The following MYO15A variants were observed in gnomAD, a reference collection of about 807,000 sequenced individuals.
MYO15A encodes unconventional myosin-XV.
In MYO15A, 308 loss-of-function variants were observed where a neutral mutation model predicts 394.6. The observed-to-expected ratio is 0.78, with a 90% CI of 0.71 to 0.86. The LOEUF (loss-of-function observed/expected upper bound fraction) is 0.86. Ranked by LOEUF, MYO15A falls within the 40% of genes least tolerant of loss-of-function variation. The pLI is 0.00. For synonymous variants in MYO15A, 1,957 were observed against 2,003.8 expected, an observed-to-expected ratio of 0.98 and a Z score of 0.62; for missense variants, 4,606 against 4,799.1, an observed-to-expected ratio of 0.96 and a Z score of 1.19.
rs1357081380 is a variant in MYO15A, at chr17:18,119,137, G to A, written c.337G>A (p.Gly113Ser). ...KPSFMVIRFP[G>S]RRGYGRLRPR... Reference sequence around the variant, plus strand: ...GTCCTTCATGGTGATCCGCTTCCCAGGCCGCCGTGGCTACGGCCGCCTGCG... The same window carrying A: ...GTCCTTCATGGTGATCCGCTTCCCAAGCCGCCGTGGCTACGGCCGCCTGCG... Residue 113 changes from glycine (G) to serine (S), a missense_variant, in exon 2 of 66, where the codon GGC (glycine) becomes AGC (serine). Around this residue, in one of 2 missense-constraint regions of MYO15A, gnomAD observed 1,830 missense variants for 1,689.7 expected, o/e 1.08. Coordinates refer to ENST00000647165, the MANE Select transcript of MYO15A (RefSeq NM_016239.4). 6.2e-7 allele frequency: 1 copy of A among 1,611,844 alleles called. No homozygotes were observed. The highest frequency in any genetic ancestry group is 8.5e-7 in the Non-Finnish European group (1 of 1,179,624).
chr17:18,156,067 G>T, intron 47 of MYO15A, 128 bp from the exon 48 acceptor site: 2 of 1,428,610 alleles, frequency 1.4e-6, no homozygotes. Flanking sequence ...GGTTCTGTGG[G>T]AGCTGGCACA....
intron 22 of MYO15A, among the ~76,000 whole-genome samples, 179 bp from the exon 23 acceptor site, chr17:18,141,473 CA>C (rs2046379103): frequency 6.6e-6 from 1 of 152,224 alleles, no homozygotes; most frequent in African/African-American, 2.4e-5. Flanking sequence ...AATTGTCTGA[CA>C]CCCAGAAGTA....
intron 12 of MYO15A, among the ~76,000 whole-genome samples, chr17:18,134,642 G>A (rs2046231218): frequency 6.6e-6 from 1 of 152,092 alleles, no homozygotes; most frequent in African/African-American, 2.4e-5. Flanking sequence ...CAACATTTTG[G>A]GAGGCCAAGG....
rs987215346 is a variant in MYO15A, at chr17:18,150,433, T to G, written c.7217T>G (p.Leu2406Arg). 7 of 1,613,772 alleles carry G rather than the reference T, an allele frequency of 4.3e-6. No individual in the cohort carries two copies. Among genetic ancestry groups the G allele is most frequent in the Non-Finnish European group, 5.9e-6 (7 of 1,179,910 alleles). ...DPVLSYGDAD[L>R]EKPTAIAYRM... ...TGAGCCACCCACTGCCCCCAGGACC[T>G]GGAGAAGCCAACAGCCATTGCCTAC... The change falls in exon 36 of 66, where the codon CTG becomes CGG. Residue 2406 changes from leucine to arginine, a missense_variant. Leu to Arg is a moderately radical substitution (Grantham distance 102). Around this residue, in one of 2 missense-constraint regions of MYO15A, gnomAD observed 2,776 missense variants for 3,109.3 expected, o/e 0.89. Transcript: ENST00000647165. The surrounding 1 kb of genome is among the most constrained non-coding windows in gnomAD (Gnocchi z 4.4).
chr17:18,130,394 C>A (rs2046132878), intron 7 of MYO15A, among the ~76,000 whole-genome samples: 1 of 150,978 alleles, frequency 6.6e-6, no homozygotes, highest in East Asian at 1.9e-4. Context: ...TGGTGGCCTT[C>A]CTGTGAGAGG....
At chr17:18,157,927 CGGGG>C in intron 51 of MYO15A, 27 bp downstream of exon 51, 1 of 99,328 alleles carries the variant, frequency 1.0e-5, no homozygotes. Context: ...TGGGGTGGGG[CGGGG>C]TAGACCAGGG....
rs1361970934 is a variant in MYO15A at position 18,121,770 on chromosome 17, G to A, written c.2970G>A (p.Leu990=). ...CTGCTGATATGACCAGGGTCTTCCT[G>A]GGCAGACACCATGAGCCGGGGCCTG... The part of the protein sequence containing the change: ...DPAADMTRVF[L]GRHHEPGPGQ... The change falls in exon 2 of 66, where the codon CTG becomes CTA. Residue 990 remains leucine (L), a synonymous_variant. Coordinates refer to ENST00000647165, the MANE Select transcript of MYO15A (RefSeq NM_016239.4). This position sits in a 1 kb window ranked among gnomAD's most constrained non-coding sequence, Gnocchi z 5.3. The A allele has an allele frequency of 2.5e-6, 4 of 1,609,808 alleles. No homozygotes were observed. The highest frequency in any genetic ancestry group is 3.4e-6 in the Non-Finnish European group (4 of 1,178,170).
Position 18,166,570 on chromosome 17 carries a change from T to C in MYO15A, c.9948+49T>C, listed in dbSNP as rs544455303. ...GACTCTGGGACCTTCTAGGCTCCCC[T>C]GGGCCTGTGAATCAGACTCCACAGC... On this transcript the variant is annotated intron_variant, in intron 61 of 65. Transcript: ENST00000647165. The C allele has an allele frequency of 3.1e-6, 5 of 1,603,050 alleles. No homozygotes were observed. The African/African-American group carries it at 4.0e-5, about 13-fold the overall frequency.
chr17:18,131,018 G>A (rs1051219802), intron 8 of MYO15A, among the ~76,000 whole-genome samples: 5 of 151,968 alleles, frequency 3.3e-5, no homozygotes, highest in Non-Finnish European at 7.4e-5. Context: ...GAATGGGGAA[G>A]CATGGGGCTT....
intron 65 of MYO15A, among the ~76,000 whole-genome samples, chr17:18,174,351 G>A (rs141984273): frequency 1.3e-5 from 2 of 152,252 alleles, no homozygotes; most frequent in African/African-American, 2.4e-5. Flanking sequence ...AACAGGCACC[G>A]TGGCTCATGC....
At chr17:18,149,763 C>G (rs2046545624) in intron 35 of MYO15A, 183 bp downstream of exon 35, 1 of 679,240 alleles carries the variant, frequency 1.5e-6, no homozygotes, top group African/African-American at 1.8e-5. Context: ...TAGAGATGCT[C>G]TTGGCTGATC....
At position 18,120,994 on chromosome 17, in the gene MYO15A, C is replaced by T. The variant is rs376451611; in HGVS notation, c.2194C>T (p.Pro732Ser). The T allele has an allele frequency of 2.3e-3, 3,499 of 1,503,696 alleles. 7 individuals carry two copies. Among genetic ancestry groups the T allele is most frequent in the Non-Finnish European group, 2.8e-3 (3,217 of 1,131,388 alleles). 93.1% of individuals were successfully genotyped at this position (1,503,696 alleles called of 1,614,324 possible). ...GCCCCCTGCCGTGAGCCCGGAGGTG[C>T]CCCCCGACCTACTAGCCTTCCCAGG... ...VEPPAVSPEVPPDLLAFPGPR... is the reference protein window; with the variant it reads ...VEPPAVSPEVSPDLLAFPGPR... The change falls in exon 2 of 66, where the codon CCC becomes TCC. Residue 732 changes from proline to serine, a missense_variant. Transcript: ENST00000647165.
intron 55 of MYO15A, 94 bp from the exon 56 acceptor site, chr17:18,159,841 C>A: frequency 6.8e-7 from 1 of 1,475,146 alleles, no homozygotes; most frequent in Non-Finnish European, 9.4e-7. Flanking sequence ...GGACACCAGG[C>A]CTGTCTTCAG....
At chr17:18,139,987 T>G (rs1346578326) in intron 19 of MYO15A, among the ~76,000 whole-genome samples, 3 of 152,158 alleles carry the variant, frequency 2.0e-5, no homozygotes, top group Non-Finnish European at 4.4e-5. Context: ...GTTCCCCCAG[T>G]CCCACCTCCT....
rs1401670733 is a variant in MYO15A at position 18,122,030 on chromosome 17, C to T, written c.3230C>T (p.Pro1077Leu). The T allele has an allele frequency of 1.2e-6, 2 of 1,612,978 alleles. No homozygotes were observed. Among genetic ancestry groups the T allele is most frequent in the Non-Finnish European group, 1.7e-6 (2 of 1,180,024 alleles). The change falls in exon 2 of 66, where the codon CCA (proline) becomes CTA (leucine). Residue 1077 changes from proline to leucine, a missense_variant. By Grantham distance (98) the Pro-to-Leu change is moderately conservative. Around this residue, in one of 2 missense-constraint regions of MYO15A, gnomAD observed 1,830 missense variants for 1,689.7 expected, o/e 1.08. Coordinates refer to ENST00000647165, the MANE Select transcript of MYO15A (RefSeq NM_016239.4). ...ACDQTRATWP[P>L]WHRWGTLPQA... ...GACCAGACCAGGGCCACATGGCCAC[C>T]ATGGCACCGCTGGGGAACACTGCCC...
Position 18,178,940 on chromosome 17 carries a change from C to G in MYO15A, c.*70C>G. The G allele has an allele frequency of 6.7e-7, 1 of 1,486,586 alleles. No individual in the cohort carries two copies. The highest frequency in any genetic ancestry group is 9.2e-7 in the Non-Finnish European group (1 of 1,082,152). 92.1% of individuals were successfully genotyped at this position (1,486,586 alleles called of 1,614,324 possible). A position where few individuals can be genotyped will look rare whatever the true frequency, so the allele number is the denominator to read the frequency against. ...TGTGGCCTCAGAGAAATCACTGAACCTCTCAGGATCAATGACCCCTGTAAG... is the reference window on the plus strand; with the variant it reads ...TGTGGCCTCAGAGAAATCACTGAACGTCTCAGGATCAATGACCCCTGTAAG... On this transcript the variant is annotated 3_prime_UTR_variant, in exon 66 of 66. Transcript: ENST00000647165.
Position 18,127,282 on chromosome 17 carries a change from C to T in MYO15A, c.4032+117C>T, listed in dbSNP as rs548204271. 1.7e-4 allele frequency: 219 copies of T among 1,269,644 alleles called. No homozygotes were observed. The Middle Eastern group carries it at 3.7e-3, about 21-fold the overall frequency. The allele number at this position is 1,269,644 out of a possible 1,614,324, so 78.6% of individuals were successfully genotyped here. On this transcript the variant is annotated intron_variant, in intron 7 of 65. Transcript: ENST00000647165. ...ACCAGGAAGATGAGGAGGCTGAGTTCCAGAAGGGGGCCTTGCCCAGGGCTG... is the reference window on the plus strand; with the variant it reads ...ACCAGGAAGATGAGGAGGCTGAGTTTCAGAAGGGGGCCTTGCCCAGGGCTG...
chr17:18,163,424 C>A, intron 59 of MYO15A, 103 bp downstream of exon 59: 1 of 1,209,306 alleles, frequency 8.3e-7, no homozygotes, highest in Non-Finnish European at 1.2e-6. Flanking sequence ...TGATGCTGAG[C>A]CCTCCCAGGC....
In MYO15A at chr17:18,124,627, C is replaced by G; in HGVS notation, c.3692+62C>G. ...ACCATGGGGTCCCCACCCTCCCAGCCAGAGCAGCTCCTCCTGCAGTTGCCT... is the reference window on the plus strand; with the variant it reads ...ACCATGGGGTCCCCACCCTCCCAGCGAGAGCAGCTCCTCCTGCAGTTGCCT... On this transcript the variant is annotated intron_variant, in intron 3 of 65. Coordinates refer to ENST00000647165, the MANE Select transcript of MYO15A (RefSeq NM_016239.4). 2.0e-6 allele frequency: 3 copies of G among 1,518,906 alleles called. No individual in the cohort carries two copies. The South Asian group carries it at 3.4e-5, about 17-fold the overall frequency. 94.1% of individuals were successfully genotyped at this position (1,518,906 alleles called of 1,614,324 possible).
Sources: allele counts gnomAD v4.1 joint callset (sites outside exome capture counted in the v4.1 genomes callset), GRCh38; gene constraint gnomAD v4.1.1; regional missense constraint gnomAD v4.1.1; non-coding constraint Gnocchi (gnomAD v3.1); transcripts MANE v1.5; gene names NCBI Gene and HGNC (gene_info 2026-07-23, HGNC 2026-07-21).